The following PIK3C2G variants were observed in gnomAD, a reference collection of about 807,000 sequenced individuals.
PIK3C2G encodes phosphatidylinositol 3-kinase C2 domain-containing subunit gamma.
PIK3C2G carries 168 observed loss-of-function variants against 181.1 expected under a neutral mutation model. That is an observed-to-expected ratio of 0.93 (90% CI 0.82 to 1.05). PIK3C2G has a LOEUF of 1.05. Among genes scored for constraint, PIK3C2G ranks in the 50% least tolerant of loss-of-function variants. The probability of loss-of-function intolerance (pLI) is 0.00; values close to 1 mark genes in which losing one functional copy is unlikely to be tolerated. For synonymous variants in PIK3C2G, 573 were observed against 592.2 expected (o/e 0.97, Z 0.47); for missense variants, 1,869 against 1,732.8 (o/e 1.08, Z -1.40).
chr12:18,561,122 T>C (rs1300382886), intron 26 of PIK3C2G, among the ~76,000 whole-genome samples: 2 of 152,190 alleles, frequency 1.3e-5, no homozygotes, highest in African/African-American at 4.8e-5. Context: ...TCTTAAAGAA[T>C]TTACTGGAAC....
At chr12:18,501,232 T>A (rs993772869) in intron 22 of PIK3C2G, among the ~76,000 whole-genome samples, 4 of 152,138 alleles carry the variant, frequency 2.6e-5, no homozygotes, top group Non-Finnish European at 5.9e-5. Context: ...CAGTTCCACA[T>A]GGCTGGGGAG....
In PIK3C2G at chr12:18,314,037, G is replaced by A. The variant is rs1950754139; in HGVS notation, c.1110G>A (p.Arg370=). 8 of 1,575,582 alleles carry A rather than the reference G, an allele frequency of 5.1e-6. No homozygotes were observed. Among genetic ancestry groups the A allele is most frequent in the Non-Finnish European group, 6.9e-6 (8 of 1,155,998 alleles). The change falls in exon 6 of 33, where the codon AGG becomes AGA. Residue 370 remains arginine, a synonymous_variant. Transcript: ENST00000538779. ...TTCAGCTCCACCTGCAGAAAAGTAG[G>A]GAAGCTCCAGGAAAGCTATCTCGAA... ...SVIQLHLQKS[R]EAPGKLSRKH...
At chr12:18,685,462 T>C in the PIK3C2G span, 8 of 212,590 alleles carry the variant, frequency 3.8e-5, no homozygotes, top group African/African-American at 1.3e-4. Context: ...ACACTTGCTA[T>C]GTCAATAGTT....
chr12:18,550,525 CA>C (rs113057283), intron 26 of PIK3C2G, among the ~76,000 whole-genome samples: 1,520 of 146,198 alleles, frequency 0.01, 19 homozygotes, highest in African/African-American at 0.036. Context: ...CATAATTCAC[CA>C]AAAAAAAAAT....
chr12:18,546,261 C>T (rs552381578), intron 25 of PIK3C2G, 62 bp from the exon 26 acceptor site: 3 of 1,000,958 alleles, frequency 3.0e-6, no homozygotes, highest in Middle Eastern at 2.1e-4. Context: ...ATCAAGTAAG[C>T]TTGATTGTAT....
At chr12:18,401,458 G>A (rs1944245793) in intron 16 of PIK3C2G, among the ~76,000 whole-genome samples, 1 of 152,076 alleles carries the variant, frequency 6.6e-6, no homozygotes, top group Non-Finnish European at 1.5e-5. Flanking sequence ...GCTAAAATCT[G>A]TAAAATTGTT....
At chr12:18,516,489 C>A (rs1024223088) in intron 24 of PIK3C2G, among the ~76,000 whole-genome samples, 2 of 151,962 alleles carry the variant, frequency 1.3e-5, no homozygotes, top group African/African-American at 4.8e-5. Flanking sequence ...TTGGTGACCT[C>A]TGGGCTTCCT....
intron 18 of PIK3C2G, among the ~76,000 whole-genome samples, chr12:18,474,582 C>T (rs992662315): frequency 7.9e-5 from 12 of 152,058 alleles, no homozygotes; most frequent in African/African-American, 2.9e-4. Context: ...ATTAGAAAAG[C>T]ACTACAATAA....
chr12:18,417,748 A>T (rs199881487), intron 16 of PIK3C2G, among the ~76,000 whole-genome samples: 13 of 116,642 alleles, frequency 1.1e-4, no homozygotes, highest in Non-Finnish European at 1.7e-4. Context: ...TACATACATT[A>T]AAAAAAACAA....
intron 18 of PIK3C2G, among the ~76,000 whole-genome samples, chr12:18,450,095 C>T (rs1229921128): frequency 6.6e-6 from 1 of 152,032 alleles, no homozygotes; most frequent in Admixed American, 6.6e-5. Context: ...AGTGTCTGTT[C>T]ATATCCTTTG....
At chr12:18,653,886 A>G in the PIK3C2G span, among the ~76,000 whole-genome samples, 1 of 152,104 alleles carries the variant, frequency 6.6e-6, no homozygotes, top group Admixed American at 6.6e-5. Context: ...GACTGAGATT[A>G]TTGCATGCCC....
chr12:18,436,287 C>T (rs907614103), intron 18 of PIK3C2G, among the ~76,000 whole-genome samples: 33 of 152,166 alleles, frequency 2.2e-4, no homozygotes, highest in African/African-American at 7.5e-4. Flanking sequence ...AACCCCAAAG[C>T]TGAGTTAACT....
chr12:18,629,383 C>T (rs1949247189), intron 31 of PIK3C2G, among the ~76,000 whole-genome samples: 1 of 152,056 alleles, frequency 6.6e-6, no homozygotes, highest in Non-Finnish European at 1.5e-5. Context: ...ACTTCTTGTG[C>T]TCATTGCCTA....
intron 22 of PIK3C2G, among the ~76,000 whole-genome samples, chr12:18,501,294 T>C (rs1941460893): frequency 6.6e-6 from 1 of 152,098 alleles, no homozygotes; most frequent in Non-Finnish European, 1.5e-5. Flanking sequence ...GCAAGGGCCT[T>C]TTTCACAAGG....
chr12:18,650,347 A>ATGTGTGTGTG (rs71064013), downstream of PIK3C2G, among the ~76,000 whole-genome samples: 10 of 114,532 alleles, frequency 8.7e-5, no homozygotes, highest in African/African-American at 3.3e-4. Context: ...ATATATATAT[A>ATGTGTGTGTG]TGTGTGTGTG....
chr12:18,644,277 C>A (rs1198320403), intron 32 of PIK3C2G, among the ~76,000 whole-genome samples: 1 of 152,138 alleles, frequency 6.6e-6, no homozygotes, highest in East Asian at 1.9e-4. Context: ...GCTCAGGGAA[C>A]TGCCATACAG....
At chr12:18,380,445 C>G (rs1394329804) in intron 13 of PIK3C2G, among the ~76,000 whole-genome samples, 1 of 152,180 alleles carries the variant, frequency 6.6e-6, no homozygotes, top group Non-Finnish European at 1.5e-5. Context: ...TAATCCAAAA[C>G]TTTTCTCAGG....
At chr12:18,552,833 T>C (rs1363574640) in intron 26 of PIK3C2G, among the ~76,000 whole-genome samples, 1 of 152,158 alleles carries the variant, frequency 6.6e-6, no homozygotes. Context: ...TTTTGAATTA[T>C]ATGAATTAAA....
chr12:18,640,015 A>G (rs143936000), intron 31 of PIK3C2G, among the ~76,000 whole-genome samples: 2,778 of 151,916 alleles, frequency 0.018, 70 homozygotes, highest in African/African-American at 0.063. Flanking sequence ...TAAATGCTAC[A>G]TCTCATTTTA....
Sources: gnomAD v4.1 joint callset for allele counts (sites outside exome capture counted in the v4.1 genomes callset) on GRCh38, gnomAD v4.1.1 for gene constraint, MANE v1.5 for transcripts, NCBI Gene and HGNC (gene_info 2026-07-23, HGNC 2026-07-21) for gene names.